Variants in ESCO1 observed in about 807,000 individuals in gnomAD.
ESCO1 encodes the protein establishment of sister chromatid cohesion N-acetyltransferase 1.
A neutral mutation model predicts 83.5 loss-of-function variants in ESCO1; 33 were observed. That is an observed-to-expected ratio of 0.40 (90% CI 0.30 to 0.53). ESCO1 has a LOEUF of 0.53. ESCO1 is among the 20% of genes least tolerant of loss of function. The probability of loss-of-function intolerance (pLI) is 0.63; values close to 1 mark genes in which losing one functional copy is unlikely to be tolerated. For missense variants in ESCO1, 855 were observed against 968.0 expected (o/e 0.88, Z 1.55); for synonymous variants, 332 against 324.3 (o/e 1.02, Z -0.25).
chr18:21,575,468 T>A (rs2038407362), intron 3 of ESCO1, 38 bp from the exon 4 acceptor site: 1 of 398,296 alleles, frequency 2.5e-6, no homozygotes, highest in East Asian at 3.6e-5. Flanking sequence ...TTTTGTACAA[T>A]CCATGAAATA....
intron 10 of ESCO1, among the ~76,000 whole-genome samples, chr18:21,534,314 G>T (rs915297215): frequency 1.3e-5 from 2 of 152,136 alleles, no homozygotes; most frequent in African/African-American, 4.8e-5. Flanking sequence ...TCAAAAAATT[G>T]TTGCAACCTT....
chr18:21,570,662 G>C (rs1234867411), intron 4 of ESCO1, among the ~76,000 whole-genome samples: 3 of 152,164 alleles, frequency 2.0e-5, no homozygotes, highest in Non-Finnish European at 4.4e-5. Context: ...TAACTATAGG[G>C]AGATGGGTAA....
At chr18:21,548,522 G>T (rs952723762) in intron 8 of ESCO1, among the ~76,000 whole-genome samples, 4 of 151,208 alleles carry the variant, frequency 2.6e-5, no homozygotes, top group Non-Finnish European at 4.4e-5. Context: ...AAAAGGCCAG[G>T]GGGGTGGTGG....
Position 21,530,478 on chromosome 18 carries a change from T to C in ESCO1, c.2388A>G (p.Ile796Met), listed in dbSNP as rs2037752959. 1.5e-6 allele frequency: 2 copies of C among 1,326,462 alleles called. No individual in the cohort carries two copies. The highest frequency in any genetic ancestry group is 2.8e-4 in the Middle Eastern group (1 of 3,600). 82.2% of individuals were successfully genotyped at this position (1,326,462 alleles called of 1,614,324 possible). Residue 796 changes from isoleucine to methionine, a missense_variant, in exon 12 of 12, where the codon ATA becomes ATG. Around this residue, in one of 2 missense-constraint regions of ESCO1, gnomAD observed 129 missense variants for 268.5 expected, o/e 0.48. Coordinates refer to ENST00000269214, the MANE Select transcript of ESCO1 (RefSeq NM_052911.3). ...CTTCTTTGCTCAAATATGAGCCATA[T>C]ATAAAGTTACTCCTATTAAAAAAAA... ...RMIECLRSNF[I>M]YGSYLSKEEI... is the part of the protein sequence containing the mutation.
At chr18:21,563,478 G>C (rs2038216474) in intron 7 of ESCO1, among the ~76,000 whole-genome samples, 1 of 152,130 alleles carries the variant, frequency 6.6e-6, no homozygotes, top group Non-Finnish European at 1.5e-5. Flanking sequence ...TTCCTAAGTA[G>C]CTGGGATTAC....
In ESCO1 at chr18:21,574,924, T is replaced by G; in HGVS notation, c.-81A>C. 9.4e-7 allele frequency: 1 copy of G among 1,065,334 alleles called. No individual in the cohort carries two copies. Among genetic ancestry groups the G allele is most frequent in the Non-Finnish European group, 1.3e-6 (1 of 759,216 alleles). 66.0% of individuals were successfully genotyped at this position (1,065,334 alleles called of 1,614,324 possible). On this transcript the variant is annotated 5_prime_UTR_variant, in exon 4 of 12. Transcript: ENST00000269214. Reference sequence around the variant, plus strand: ...GTAGGCGTGAATGCTGACTAGCTAGTATTATTACTGAGGAGCAGGTCTGAA... The same window carrying G: ...GTAGGCGTGAATGCTGACTAGCTAGGATTATTACTGAGGAGCAGGTCTGAA...
intron 1 of ESCO1, among the ~76,000 whole-genome samples, chr18:21,592,165 C>T (rs866822755): frequency 0.016 from 2,446 of 148,792 alleles, 72 homozygotes; most frequent in African/African-American, 0.055. Flanking sequence ...CATCATGGCC[C>T]GTTCTCAATA....
chr18:21,568,081 C>G lies in ESCO1; in HGVS notation c.1544G>C (p.Cys515Ser), dbSNP rs777688986. The change falls in exon 5 of 12, where the codon TGT (cysteine) becomes TCT (serine). Residue 515 changes from cysteine to serine, a missense_variant. Cys to Ser is a moderately radical substitution (Grantham distance 112, BLOSUM62 -1). This residue lies in a region of ESCO1 where 726 missense variants were observed against 699.5 expected (regional missense o/e 1.04). Coordinates refer to ENST00000269214, the MANE Select transcript of ESCO1 (RefSeq NM_052911.3). ...DSASNKNFSQCLESKLENSPV... is the reference protein window; with the variant it reads ...DSASNKNFSQSLESKLENSPV... ...ACTGTTTTCTAGCTTGGATTCCAAA[C>G]ATTGGCTGAAATTCTGAACACATAT... 11 of 1,613,430 alleles carry G rather than the reference C, an allele frequency of 6.8e-6. No individual in the cohort carries two copies. The Middle Eastern group carries it at 6.6e-4, about 96-fold the overall frequency.
Position 21,587,992 on chromosome 18 carries a change from T to C in ESCO1, c.-824-3552A>G, listed in dbSNP as rs191004327. Among the ~76,000 whole-genome samples, 11 of 151,658 alleles carry C rather than the reference T, an allele frequency of 7.3e-5. No individual in the cohort carries two copies. The East Asian group carries it at 2.1e-3, about 29-fold the overall frequency. On this transcript the variant is annotated intron_variant, in intron 1 of 11. Transcript: ENST00000269214. ...TAGTCCCAGCTACTCAGGAGGCTCA[T>C]GTGAGAGGATCACTTGAGTCCAGAA...
In ESCO1 at chr18:21,585,353, T is replaced by C. The variant is rs868671222; in HGVS notation, c.-824-913A>G. 7.2e-5 allele frequency among the ~76,000 whole-genome samples: 11 copies of C among 152,310 alleles called. 1 individual carries two copies. Among genetic ancestry groups the C allele is most frequent in the South Asian group, 6.2e-4 (3 of 4,824 alleles). On this transcript the variant is annotated intron_variant, in intron 1 of 11. Coordinates refer to ENST00000269214, the MANE Select transcript of ESCO1 (RefSeq NM_052911.3). ...TCTATACTTCCCTGACCTGATCGTC[T>C]TGGCCACCTGACTTACTTTGGCCAA...
chr18:21,536,330 C>G (rs1371638100), intron 9 of ESCO1, 145 bp from the exon 10 acceptor site: 8 of 925,994 alleles, frequency 8.6e-6, no homozygotes, highest in East Asian at 2.7e-5. Context: ...TGGTTCACAC[C>G]TGTAATCCTA....
In ESCO1 at chr18:21,547,824, C is replaced by T. The variant is rs1259053478; in HGVS notation, c.1954-7815G>A. On this transcript the variant is annotated intron_variant, in intron 8 of 11. Transcript: ENST00000269214. ...TATTCATAGAAAAGAGTATTTCCGG[C>T]CAGGCGCAGTGGCTCACACCTGTAA... is the stretch of plus-strand genomic sequence containing the variant. Among the ~76,000 whole-genome samples the T allele has an allele frequency of 2.6e-5, 4 of 152,130 alleles. No homozygotes were observed. In the East Asian group the frequency reaches 7.7e-4, roughly 29 times the overall value.
chr18:21,567,177 T>G (rs993297700), intron 5 of ESCO1, among the ~76,000 whole-genome samples: 2 of 152,144 alleles, frequency 1.3e-5, no homozygotes, highest in Non-Finnish European at 1.5e-5. Flanking sequence ...GTTTTTTGGT[T>G]TTTGAGACAG....
At chr18:21,576,936 A>C (rs1243133537) in intron 2 of ESCO1, among the ~76,000 whole-genome samples, 1 of 151,754 alleles carries the variant, frequency 6.6e-6, no homozygotes, top group Non-Finnish European at 1.5e-5. Flanking sequence ...GGGAGGCTGA[A>C]GCAGGAGAAT....
chr18:21,572,927 G>A (rs2038359728), intron 4 of ESCO1, among the ~76,000 whole-genome samples: 1 of 150,782 alleles, frequency 6.6e-6, no homozygotes, highest in Admixed American at 6.6e-5. Flanking sequence ...TTGTGCCATT[G>A]CATGCCAGCT....
intron 11 of ESCO1, 125 bp downstream of exon 11, chr18:21,532,348 T>C (rs1598973448): frequency 3.8e-6 from 4 of 1,047,926 alleles, no homozygotes; most frequent in South Asian, 3.5e-5. Flanking sequence ...GATAACCTCA[T>C]GCAAAATTTG....
intron 8 of ESCO1, among the ~76,000 whole-genome samples, chr18:21,558,497 G>T (rs748132099): frequency 6.6e-6 from 1 of 152,118 alleles, no homozygotes; most frequent in Non-Finnish European, 1.5e-5. Flanking sequence ...GGGAGGCCAA[G>T]GTGGGTGGAT....
At chr18:21,590,335 C>A (rs1049387719) in intron 1 of ESCO1, among the ~76,000 whole-genome samples, 2 of 151,808 alleles carry the variant, frequency 1.3e-5, no homozygotes, top group Non-Finnish European at 2.9e-5. Context: ...AATTCTCTTG[C>A]CTCAGCCTCC....
At chr18:21,579,547 G>T (rs2038464256) in intron 2 of ESCO1, among the ~76,000 whole-genome samples, 1 of 151,746 alleles carries the variant, frequency 6.6e-6, no homozygotes, top group Admixed American at 6.6e-5. Context: ...CAAGGCAGGT[G>T]AATCACGAGG....
Sources: gnomAD v4.1 joint callset for allele counts (sites outside exome capture counted in the v4.1 genomes callset) on GRCh38, gnomAD v4.1.1 for gene constraint, gnomAD v4.1.1 regional missense constraint, MANE v1.5 for transcripts, NCBI Gene and HGNC (gene_info 2026-07-23, HGNC 2026-07-21) for gene names.